Variants in TBATA observed in about 807,000 individuals in gnomAD.
TBATA encodes protein TBATA.
Under a neutral mutation model 38.7 loss-of-function variants are expected in TBATA, and 47 were observed. That is an observed-to-expected ratio of 1.21 (90% CI 0.96 to 1.55). TBATA has a LOEUF of 1.55. Among genes scored for constraint, TBATA ranks in the 40% most tolerant of loss-of-function variants. The probability of loss-of-function intolerance (pLI) is 0.00; values close to 1 mark genes in which losing one functional copy is unlikely to be tolerated. For synonymous variants in TBATA, 183 were observed against 170.5 expected, an observed-to-expected ratio of 1.07 and a Z score of -0.57; for missense variants, 436 against 435.6, an observed-to-expected ratio of 1.00 and a Z score of -0.01.
chr10:70,773,353 C>G (rs1013174417), intron 9 of TBATA, among the ~76,000 whole-genome samples: 10 of 152,188 alleles, frequency 6.6e-5, no homozygotes, highest in African/African-American at 2.4e-4. Flanking sequence ...GCTGGTCCCA[C>G]TTCCCGGGAT....
At position 70,781,836 on chromosome 10, in the gene TBATA, T is replaced by C; in HGVS notation, c.242A>G (p.His81Arg). The change falls in exon 4 of 11, where the codon CAC becomes CGC. Residue 81 changes from histidine to arginine, a missense_variant. Coordinates refer to ENST00000456372, the MANE Select transcript of TBATA (RefSeq NM_001318241.2). Reference sequence around the variant, plus strand: ...GGTCACGTGCTGGGGGTGTGGGTGGTGCCGGGAGAAGAAGGAGTGGTGACT... The same window carrying C: ...GGTCACGTGCTGGGGGTGTGGGTGGCGCCGGGAGAAGAAGGAGTGGTGACT... Reference protein sequence around the residue: ...RLSHHSFFSRHHPHPQHVTHI... With the variant: ...RLSHHSFFSRRHPHPQHVTHI... 1.2e-6 allele frequency: 2 copies of C among 1,614,062 alleles called. No homozygotes were observed. Among genetic ancestry groups the C allele is most frequent in the Non-Finnish European group, 1.7e-6 (2 of 1,179,914 alleles).
At chr10:70,774,148 G>A (rs1843084590) in intron 9 of TBATA, 65 bp downstream of exon 9, 2 of 1,589,512 alleles carry the variant, frequency 1.3e-6, no homozygotes, top group East Asian at 2.3e-5. Context: ...CCTTCTCCAG[G>A]TCCCACTGGC....
intron 7 of TBATA, among the ~76,000 whole-genome samples, 191 bp downstream of exon 7, chr10:70,776,962 G>A (rs182105700): frequency 6.6e-6 from 1 of 152,166 alleles, no homozygotes; most frequent in Non-Finnish European, 1.5e-5. Context: ...CCCAGGGAGG[G>A]GAAAGGACTC....
rs536071285 is a variant in TBATA, at chr10:70,776,794, C to T, written c.693+359G>A. 2.6e-5 allele frequency among the ~76,000 whole-genome samples: 4 copies of T among 152,334 alleles called. No individual in the cohort carries two copies. In the South Asian group the frequency reaches 8.3e-4, roughly 32 times the overall value. On this transcript the variant is annotated intron_variant, in intron 7 of 10. Transcript: ENST00000456372. ...GTGTGGACACCAGGCTGGGCCTAGC[C>T]ATGCAGGCTGTGGGGTGCGGCCTGC...
chr10:70,775,126 A>G, intron 8 of TBATA, 63 bp downstream of exon 8: 2 of 1,487,430 alleles, frequency 1.3e-6, no homozygotes, highest in Non-Finnish European at 1.9e-6. Context: ...CTGCAGAACC[A>G]GAGATCAAGG....
At position 70,777,213 on chromosome 10, in the gene TBATA, ACT is replaced by A; in HGVS notation, c.631_632del (p.Gln212ValfsTer6). On this transcript the variant is annotated frameshift_variant, in exon 7 of 11. Transcript: ENST00000456372. LOFTEE classifies it high-confidence loss of function. ...CTCCTTCATGTCTGCTGGAAGACTG[ACT>A]CTGCTGGCCCTGGTGAGATCTGCGG... ...GRRRSHQGQQ[S>X]QSSSRHEGVQ... The A allele has an allele frequency of 2.5e-6, 4 of 1,613,380 alleles. No individual in the cohort carries two copies. In the South Asian group the frequency reaches 4.4e-5, roughly 18 times the overall value.
At chr10:70,774,566 G>A (rs935825388) in intron 8 of TBATA, among the ~76,000 whole-genome samples, 5 of 152,126 alleles carry the variant, frequency 3.3e-5, no homozygotes, top group Non-Finnish European at 7.4e-5. Context: ...TGCCACATGA[G>A]GATGTGTACG....
In TBATA at chr10:70,775,242, T is replaced by G. The variant is rs776352390; in HGVS notation, c.722A>C (p.Glu241Ala). The change falls in exon 8 of 11, where the codon GAA (glutamate) becomes GCA (alanine). Residue 241 changes from glutamate (E) to alanine (A), a missense_variant. Coordinates refer to ENST00000456372, the MANE Select transcript of TBATA (RefSeq NM_001318241.2). ...LVLELLCRIL[E>A]TDLLSAIQFW... The stretch of plus-strand genomic sequence containing the variant: ...CTGGATTGCGCTTAGCAAGTCTGTT[T>G]CCAGGATCCGACACAGGAGCTCCAG... 18 of 1,613,994 alleles carry G rather than the reference T, an allele frequency of 1.1e-5. No homozygotes were observed. In the African/African-American group the frequency reaches 2.3e-4, roughly 20 times the overall value.
At position 70,781,817 on chromosome 10, in the gene TBATA, G is replaced by T. The variant is rs142140628; in HGVS notation, c.261C>A (p.His87Gln). The T allele has an allele frequency of 2.3e-4, 367 of 1,614,034 alleles. No individual in the cohort carries two copies. In the African/African-American group the frequency reaches 3.8e-3, roughly 17 times the overall value. ...AGGCCCTACCTTGGATGTGGGTCACGTGCTGGGGGTGTGGGTGGTGCCGGG... is the reference window on the plus strand; with the variant it reads ...AGGCCCTACCTTGGATGTGGGTCACTTGCTGGGGGTGTGGGTGGTGCCGGG... ...FFSRHHPHPQ[H>Q]VTHIQDLTGK... The change falls in exon 4 of 11, where the codon CAC becomes CAA. Residue 87 changes from histidine (H) to glutamine (Q), a missense_variant. Transcript: ENST00000456372.
intron 7 of TBATA, among the ~76,000 whole-genome samples, chr10:70,776,915 C>A (rs1001514757): frequency 6.6e-6 from 1 of 152,136 alleles, no homozygotes; most frequent in African/African-American, 2.4e-5. Flanking sequence ...GACAACAGTG[C>A]GTTCATGCTT....
intron 10 of TBATA, chr10:70,772,121 A>G: frequency 2.3e-6 from 1 of 433,230 alleles, no homozygotes; most frequent in Admixed American, 2.8e-5. Flanking sequence ...GTAGAGCTGT[A>G]TCTTTCCTGC....
At chr10:70,771,595 G>C in intron 10 of TBATA, 134 bp from the exon 11 acceptor site, 1 of 783,404 alleles carries the variant, frequency 1.3e-6, no homozygotes, top group Non-Finnish European at 2.1e-6. Flanking sequence ...CTCTGCTGGT[G>C]ACCGAGGAGG....
Position 70,774,293 on chromosome 10 carries a change from G to C in TBATA, c.840C>G (p.Val280=). ...AVAQLLPQPL[V]SIPTEKLLSQ... ...TTAGGAGCTTTTCTGTAGGGATGGA[G>C]ACTAGGGGCTGGGGAAGGAGCTGAG... is the stretch of plus-strand genomic sequence containing the variant. The change falls in exon 9 of 11, where the codon GTC becomes GTG. Residue 280 remains valine, a synonymous_variant. Transcript: ENST00000456372. 1 of 1,609,996 alleles carries C rather than the reference G, an allele frequency of 6.2e-7. No individual in the cohort carries two copies.
intron 4 of TBATA, among the ~76,000 whole-genome samples, chr10:70,781,453 C>A (rs2243793): frequency 0.7 from 105,852 of 152,136 alleles, 37,242 homozygotes; most frequent in East Asian, 0.95. Flanking sequence ...CACACTCAAT[C>A]AATATTTGAT....
chr10:70,785,077 C>A (rs1438080646), intron 1 of TBATA, among the ~76,000 whole-genome samples: 7 of 152,184 alleles, frequency 4.6e-5, no homozygotes, highest in Non-Finnish European at 7.3e-5. Flanking sequence ...CTCTAGTAGG[C>A]CAAGCCTGCC....
chr10:70,771,394 C>T lies in TBATA; in HGVS notation c.1041G>A (p.Lys347=). ...GGGCCCCTCAGCTCTCTGCCCTCGG[C>T]TTCGATGTCTTCTTCTCTGTGTTCT... ...SSQNTEKKTS[K]PRAES is the part of the protein sequence containing the mutation. The change falls in exon 11 of 11, where the codon AAG becomes AAA. Residue 347 remains lysine (K), a synonymous_variant. Transcript: ENST00000456372. 1.2e-6 allele frequency: 2 copies of T among 1,614,192 alleles called. No homozygotes were observed. Among genetic ancestry groups the T allele is most frequent in the Non-Finnish European group, 1.7e-6 (2 of 1,180,018 alleles).
Position 70,779,588 on chromosome 10 carries a change from C to T in TBATA, c.427+5G>A, listed in dbSNP as rs775148215. On this transcript the variant is annotated splice_donor_5th_base_variant and intron_variant, in intron 5 of 10. Coordinates refer to ENST00000456372, the MANE Select transcript of TBATA (RefSeq NM_001318241.2). Reference sequence around the variant, plus strand: ...GGTAGAGGGAGGCATGGCCCAAGTACCCACCAGAAGAAAGCTGGGGGTTCC... The same window carrying T: ...GGTAGAGGGAGGCATGGCCCAAGTATCCACCAGAAGAAAGCTGGGGGTTCC... The T allele has an allele frequency of 6.7e-7, 1 of 1,483,694 alleles. No individual in the cohort carries two copies. Among genetic ancestry groups the T allele is most frequent in the East Asian group, 2.7e-5 (1 of 36,908 alleles). The allele number at this position is 1,483,694 out of a possible 1,614,324, so 91.9% of individuals were successfully genotyped here. A position where few individuals can be genotyped will look rare whatever the true frequency, so the allele number is the denominator to read the frequency against.
intron 3 of TBATA, chr10:70,782,301 GT>G: frequency 6.7e-7 from 1 of 1,484,098 alleles, no homozygotes; most frequent in Non-Finnish European, 9.0e-7. Context: ...CAGCACCCCA[GT>G]TTTTTCCCAG....
chr10:70,778,646 G>T lies in TBATA; in HGVS notation c.428-10C>A, dbSNP rs765883629. The T allele has an allele frequency of 1.2e-6, 2 of 1,614,008 alleles. No individual in the cohort carries two copies. The highest frequency in any genetic ancestry group is 8.5e-7 in the Non-Finnish European group (1 of 1,179,918). On this transcript the variant is annotated splice_polypyrimidine_tract_variant and intron_variant, in intron 5 of 10. Coordinates refer to ENST00000456372, the MANE Select transcript of TBATA (RefSeq NM_001318241.2). ...TCCTTCTTCCAGGCTTCTGGGAGGA[G>T]GGGACAAGGTCCTGCCAACTGAAGT...
Sources: allele counts gnomAD v4.1 joint callset (sites outside exome capture counted in the v4.1 genomes callset), GRCh38; gene constraint gnomAD v4.1.1; transcripts MANE v1.5; gene names NCBI Gene and HGNC (gene_info 2026-07-23, HGNC 2026-07-21).